NACAD: variants seen among roughly 807,000 people sequenced by gnomAD.
The protein encoded by NACAD is NAC-alpha domain-containing protein 1.
In NACAD, 47 loss-of-function variants were observed where a neutral mutation model predicts 98.9. The ratio of observed to expected loss-of-function variants is 0.48; its 90% confidence interval spans 0.38 to 0.61. The LOEUF (loss-of-function observed/expected upper bound fraction) is 0.61. NACAD is among the 20% of genes least tolerant of loss of function. The pLI is 0.00. For synonymous variants in NACAD, 696 were observed against 767.2 expected (o/e 0.91, Z 1.53); for missense variants, 1,412 against 1,748.2 (o/e 0.81, Z 3.43).
In NACAD at chr7:45,088,188, C is replaced by A. The variant is rs887924679; in HGVS notation, c.67+640G>T. ...TTCTAGGCCCCGTAGACCCCATCAG[C>A]CTCCACCAGCATTTGTTGACCCAGC... is the stretch of plus-strand genomic sequence containing the variant. On this transcript the variant is annotated intron_variant, in intron 1 of 7. Coordinates refer to ENST00000490531, the MANE Select transcript of NACAD (RefSeq NM_001146334.2). This position sits in a 1 kb window ranked among gnomAD's most constrained non-coding sequence, Gnocchi z 5.7. Among the ~76,000 whole-genome samples the A allele has an allele frequency of 3.3e-5, 5 of 152,232 alleles. No individual in the cohort carries two copies. Among genetic ancestry groups the A allele is most frequent in the African/African-American group, 1.2e-4 (5 of 41,470 alleles).
Position 45,084,959 on chromosome 7 carries a change from C to T in NACAD, c.1221G>A (p.Gly407=), listed in dbSNP as rs1449281487. The change falls in exon 2 of 8, where the codon GGG becomes GGA. Residue 407 remains glycine, a synonymous_variant. Transcript: ENST00000490531. Reference sequence around the variant, plus strand: ...GCAAAGTGGCCTGGGCATGGGGCTCCCCGCTGTACAGCCTCTCATCATCTG... The same window carrying T: ...GCAAAGTGGCCTGGGCATGGGGCTCTCCGCTGTACAGCCTCTCATCATCTG... ...AEADDERLYS[G]EPHAQATLLQ... 1 of 1,550,996 alleles carries T rather than the reference C, an allele frequency of 6.4e-7. No homozygotes were observed. Among genetic ancestry groups the T allele is most frequent in the Non-Finnish European group, 8.7e-7 (1 of 1,147,002 alleles).
chr7:45,082,821 A>G lies in NACAD; in HGVS notation c.3359T>C (p.Leu1120Pro), dbSNP rs1305745445. 1.3e-6 allele frequency: 2 copies of G among 1,549,798 alleles called. No individual in the cohort carries two copies. ...GCCTCTTTCCTCCCTGGCTGGGCTC[A>G]GGAGCCGGGCCTGGCTGACCTCAGG... ...ACPEVSQARL[L>P]SPAREERGLS... The change falls in exon 2 of 8, where the codon CTG (leucine) becomes CCG (proline). Residue 1120 changes from leucine (L) to proline (P), a missense_variant. Coordinates refer to ENST00000490531, the MANE Select transcript of NACAD (RefSeq NM_001146334.2). This position sits in a 1 kb window ranked among gnomAD's most constrained non-coding sequence, Gnocchi z 4.5.
In NACAD at chr7:45,081,802, C is replaced by A. The variant is rs1281526695; in HGVS notation, c.4138G>T (p.Asp1380Tyr). 1 of 1,550,640 alleles carries A rather than the reference C, an allele frequency of 6.4e-7. No homozygotes were observed. The highest frequency in any genetic ancestry group is 8.7e-7 in the Non-Finnish European group (1 of 1,146,986). Residue 1380 changes from aspartate (D) to tyrosine (Y), a missense_variant, in exon 3 of 8, where the codon GAC (aspartate) becomes TAC (tyrosine). Coordinates refer to ENST00000490531, the MANE Select transcript of NACAD (RefSeq NM_001146334.2). ...TGAGGAGCCAAGATGTCCTGCTCGTCCAGCTCGGCTGATGACTCCCCGTGG... is the reference window on the plus strand; with the variant it reads ...TGAGGAGCCAAGATGTCCTGCTCGTACAGCTCGGCTGATGACTCCCCGTGG... The part of the protein sequence containing the change: ...DSHGESSAEL[D>Y]EQDILAPQTV...
rs539115590 is a variant in NACAD at position 45,083,031 on chromosome 7, C to T, written c.3149G>A (p.Arg1050Gln). 19 of 1,550,936 alleles carry T rather than the reference C, an allele frequency of 1.2e-5. No homozygotes were observed. The East Asian group carries it at 1.7e-4, about 14-fold the overall frequency. ...EIAEALSRPG[R>Q]EACLEARAHT... is the part of the protein sequence containing the mutation. ...CGCTCGCGCTTCCAGACATGCTTCC[C>T]GTCCAGGCCTAGAAAGGGCTTCTGC... The change falls in exon 2 of 8, where the codon CGG becomes CAG. Residue 1050 changes from arginine (R) to glutamine (Q), a missense_variant. This residue lies in a region of NACAD where 572 missense variants were observed against 639.6 expected (regional missense o/e 0.89). Coordinates refer to ENST00000490531, the MANE Select transcript of NACAD (RefSeq NM_001146334.2).
rs879940003 is a variant in NACAD, at chr7:45,082,574, G to T, written c.3606C>A (p.Gly1202=). 9.7e-6 allele frequency: 15 copies of T among 1,545,352 alleles called. No homozygotes were observed. Among genetic ancestry groups the T allele is most frequent in the Admixed American group, 2.0e-5 (1 of 50,428 alleles). The change falls in exon 2 of 8, where the codon GGC becomes GGA. Residue 1202 remains glycine, a synonymous_variant. Transcript: ENST00000490531. The surrounding 1 kb of genome is among the most constrained non-coding windows in gnomAD (Gnocchi z 4.5). ...EQPHEVPSVL[G]TPLLQPPENL... ...TTTCTGGGGGCTGCAGCAAGGGGGT[G>T]CCAAGGACACTGGGTACTTCGTGGG...
Position 45,083,202 on chromosome 7 carries a change from G to A in NACAD, c.2978C>T (p.Ala993Val), listed in dbSNP as rs1218508799. The A allele has an allele frequency of 7.1e-6, 11 of 1,550,790 alleles. No homozygotes were observed. Among genetic ancestry groups the A allele is most frequent in the African/African-American group, 1.4e-5 (1 of 73,056 alleles). The change falls in exon 2 of 8, where the codon GCA becomes GTA. Residue 993 changes from alanine (A) to valine (V), a missense_variant. Around this residue, in one of 5 missense-constraint regions of NACAD, gnomAD observed 572 missense variants for 639.6 expected, o/e 0.89. Coordinates refer to ENST00000490531, the MANE Select transcript of NACAD (RefSeq NM_001146334.2). Reference sequence around the variant, plus strand: ...ATCCTGTTGGACCTGGTCCAAGGCTGCAGGCTCCGGGACTGTAGGGAGGGC... The same window carrying A: ...ATCCTGTTGGACCTGGTCCAAGGCTACAGGCTCCGGGACTGTAGGGAGGGC... ...NAALPTVPEP[A>V]ALDQVQQDDP... is the part of the protein sequence containing the mutation.
Position 45,088,960 on chromosome 7 carries a change from C to A in NACAD, c.-66G>T. The stretch of plus-strand genomic sequence containing the variant: ...CCTCCGTCAGTCCGTGCCGCCGCCC[C>A]GCCGAGCCTGCGCGGCCACCGCCCC... On this transcript the variant is annotated 5_prime_UTR_variant, in exon 1 of 8. Transcript: ENST00000490531. This position sits in a 1 kb window ranked among gnomAD's most constrained non-coding sequence, Gnocchi z 5.7. The A allele has an allele frequency of 1.5e-5, 18 of 1,239,218 alleles. No individual in the cohort carries two copies. The highest frequency in any genetic ancestry group is 1.8e-5 in the Non-Finnish European group (18 of 982,358). 76.8% of individuals were successfully genotyped at this position (1,239,218 alleles called of 1,614,324 possible).
At position 45,088,857 on chromosome 7, in the gene NACAD, G is replaced by T. The variant is rs935613472; in HGVS notation, c.38C>A (p.Pro13His). 1 of 1,489,360 alleles carries T rather than the reference G, an allele frequency of 6.7e-7. No homozygotes were observed. Among genetic ancestry groups the T allele is most frequent in the Non-Finnish European group, 8.9e-7 (1 of 1,124,698 alleles). 92.3% of individuals were successfully genotyped at this position (1,489,360 alleles called of 1,614,324 possible). A position where few individuals can be genotyped will look rare whatever the true frequency, so the allele number is the denominator to read the frequency against. ...GEAARAELLLPEADRPGPRTD... is the reference protein window; with the variant it reads ...GEAARAELLLHEADRPGPRTD... ...GCGGGGCCCGGGTCGGTCCGCCTCG[G>T]GCAGCAGCAGCTCGGCGCGGGCAGC... The change falls in exon 1 of 8, where the codon CCC becomes CAC. Residue 13 changes from proline to histidine, a missense_variant. This residue lies in a region of NACAD where 638 missense variants were observed against 722.7 expected (regional missense o/e 0.88). Transcript: ENST00000490531. The surrounding 1 kb of genome is among the most constrained non-coding windows in gnomAD (Gnocchi z 5.7).
chr7:45,082,289 G>C lies in NACAD; in HGVS notation c.3891C>G (p.Val1297=). 6.4e-7 allele frequency: 1 copy of C among 1,550,656 alleles called. No homozygotes were observed. The highest frequency in any genetic ancestry group is 8.7e-7 in the Non-Finnish European group (1 of 1,146,962). Residue 1297 remains valine, a synonymous_variant, in exon 2 of 8, where the codon GTC becomes GTG. Transcript: ENST00000490531. This position sits in a 1 kb window ranked among gnomAD's most constrained non-coding sequence, Gnocchi z 4.5. The part of the protein sequence containing the change: ...TTQPLGTGPR[V]SLSPHSPLLS... ...GGAGTGGGGAGTGAGGCGAGAGGCT[G>C]ACTCGCGGCCCAGTCCCCAGAGGCT...
Position 45,083,157 on chromosome 7 carries a change from T to C in NACAD, c.3023A>G (p.Glu1008Gly). The C allele has an allele frequency of 6.4e-7, 1 of 1,550,868 alleles. No homozygotes were observed. The highest frequency in any genetic ancestry group is 8.7e-7 in the Non-Finnish European group (1 of 1,147,000). ...VQQDDPQPAA[E>G]AGTPWAAQED... ...CTGTGCGGCCCAAGGTGTCCCAGCT[T>C]CTGCAGCTGGCTGTGGGTCATCCTG... Residue 1008 changes from glutamate (E) to glycine (G), a missense_variant, in exon 2 of 8, where the codon GAA becomes GGA. This residue lies in a region of NACAD where 572 missense variants were observed against 639.6 expected (regional missense o/e 0.89). Coordinates refer to ENST00000490531, the MANE Select transcript of NACAD (RefSeq NM_001146334.2).
At chr7:45,081,348 A>G in intron 4 of NACAD, 85 bp from the exon 5 acceptor site, 2 of 1,497,754 alleles carry the variant, frequency 1.3e-6, no homozygotes, top group South Asian at 1.3e-5. Context: ...AGGAAGGCAA[A>G]GTCTCCACCG....
chr7:45,085,909 G>T lies in NACAD; in HGVS notation c.271C>A (p.Pro91Thr), dbSNP rs962766052. The change falls in exon 2 of 8, where the codon CCA becomes ACA. Residue 91 changes from proline to threonine, a missense_variant. This residue lies in a region of NACAD where 638 missense variants were observed against 722.7 expected (regional missense o/e 0.88). Transcript: ENST00000490531. The surrounding 1 kb of genome is among the most constrained non-coding windows in gnomAD (Gnocchi z 6.1). ...SAWADPGEGG[P>T]SPMLLPEGLS... ...CCCTCAGGGAGGAGCATGGGGCTTG[G>T]GCCGCCCTCCCCTGGGTCCGCCCAG... The T allele has an allele frequency of 2.0e-5, 31 of 1,546,226 alleles. No homozygotes were observed. Among genetic ancestry groups the T allele is most frequent in the Non-Finnish European group, 2.6e-5 (30 of 1,145,536 alleles).
intron 1 of NACAD, among the ~76,000 whole-genome samples, chr7:45,086,663 A>G (rs891789053): frequency 3.3e-5 from 5 of 152,158 alleles, no homozygotes; most frequent in African/African-American, 1.2e-4. Context: ...TGAGGCCAAC[A>G]TGTCAGGGTT....
At position 45,082,244 on chromosome 7, in the gene NACAD, G is replaced by A; in HGVS notation, c.3936C>T (p.Ser1312=). 1 of 1,549,074 alleles carries A rather than the reference G, an allele frequency of 6.5e-7. No homozygotes were observed. Among genetic ancestry groups the A allele is most frequent in the African/African-American group, 1.4e-5 (1 of 73,136 alleles). The change falls in exon 2 of 8, where the codon TCC becomes TCT. Residue 1312 remains serine, a synonymous_variant. Transcript: ENST00000490531. The surrounding 1 kb of genome is among the most constrained non-coding windows in gnomAD (Gnocchi z 4.5). ...HSPLLSPKVA[S]MDAKDLALQI... ...GCAAGGCCAGGTCTTTGGCATCCAT[G>A]GAGGCCACCTTGGGGCTGAGGAGTG...
At position 45,088,704 on chromosome 7, in the gene NACAD, AG is replaced by A; in HGVS notation, c.67+123del. The A allele has an allele frequency of 5.2e-6, 3 of 580,416 alleles. No homozygotes were observed. The highest frequency in any genetic ancestry group is 7.1e-6 in the Non-Finnish European group (3 of 422,222). The allele number at this position is 580,416 out of a possible 1,614,324, so 36.0% of individuals were successfully genotyped here. A position where few individuals can be genotyped will look rare whatever the true frequency, so the allele number is the denominator to read the frequency against. On this transcript the variant is annotated intron_variant, in intron 1 of 7. Coordinates refer to ENST00000490531, the MANE Select transcript of NACAD (RefSeq NM_001146334.2). The surrounding 1 kb of genome is among the most constrained non-coding windows in gnomAD (Gnocchi z 5.7). ...ATGGAGGGAAGGACAGGGCGCGGAA[AG>A]GGGAGGGGACTCGAGGGGGGCCAGG...
Position 45,082,551 on chromosome 7 carries a change from T to C in NACAD, c.3629A>G (p.Glu1210Gly). 3 of 1,548,234 alleles carry C rather than the reference T, an allele frequency of 1.9e-6. No homozygotes were observed. The highest frequency in any genetic ancestry group is 2.6e-6 in the Non-Finnish European group (3 of 1,146,056). Residue 1210 changes from glutamate to glycine, a missense_variant, in exon 2 of 8, where the codon GAA (glutamate) becomes GGA (glycine). Physicochemically the swap from Glu to Gly is moderately conservative, Grantham distance 98. Around this residue, in one of 5 missense-constraint regions of NACAD, gnomAD observed 572 missense variants for 639.6 expected, o/e 0.89. Coordinates refer to ENST00000490531, the MANE Select transcript of NACAD (RefSeq NM_001146334.2). The surrounding 1 kb of genome is among the most constrained non-coding windows in gnomAD (Gnocchi z 4.5). Reference sequence around the variant, plus strand: ...GCTGGGCTGACCCTTGGCAAGGTTTTCTGGGGGCTGCAGCAAGGGGGTGCC... The same window carrying C: ...GCTGGGCTGACCCTTGGCAAGGTTTCCTGGGGGCTGCAGCAAGGGGGTGCC... ...VLGTPLLQPP[E>G]NLAKGQPSTP...
chr7:45,081,623 C>A lies in NACAD; in HGVS notation c.4235G>T (p.Arg1412Leu). 6.4e-7 allele frequency: 1 copy of A among 1,551,466 alleles called. No individual in the cohort carries two copies. Among genetic ancestry groups the A allele is most frequent in the Non-Finnish European group, 8.7e-7 (1 of 1,147,010 alleles). ...CACCTTTCGGGCCTTCTTCTCACTG[C>A]GACTCTGCTTGGCTTTGGCGATGGT... ...EETIAKAKQSRSEKKARKAMS... is the reference protein window; with the variant it reads ...EETIAKAKQSLSEKKARKAMS... The change falls in exon 4 of 8, where the codon CGC becomes CTC. Residue 1412 changes from arginine to leucine, a missense_variant. Around this residue, in one of 5 missense-constraint regions of NACAD, gnomAD observed 572 missense variants for 639.6 expected, o/e 0.89. Transcript: ENST00000490531.
chr7:45,083,379 G>A lies in NACAD; in HGVS notation c.2801C>T (p.Thr934Ile). ...CACAGCCAGAGGCTCTGGACCTGAG[G>A]TGGGGCCTGTGTCTTGCAGAGGCAG... is the stretch of plus-strand genomic sequence containing the variant. ...APLPLQDTGP[T>I]SGPEPLAVAT... Residue 934 changes from threonine to isoleucine, a missense_variant, in exon 2 of 8, where the codon ACC (threonine) becomes ATC (isoleucine). Thr to Ile is a moderately conservative substitution (Grantham distance 89). Coordinates refer to ENST00000490531, the MANE Select transcript of NACAD (RefSeq NM_001146334.2). The A allele has an allele frequency of 1.3e-6, 2 of 1,551,390 alleles. No homozygotes were observed. Among genetic ancestry groups the A allele is most frequent in the Non-Finnish European group, 8.7e-7 (1 of 1,147,028 alleles).
In NACAD at chr7:45,088,698, G is replaced by A; in HGVS notation, c.67+130C>T. The stretch of plus-strand genomic sequence containing the variant: ...GTTCAGATGGAGGGAAGGACAGGGC[G>A]CGGAAAGGGGAGGGGACTCGAGGGG... On this transcript the variant is annotated intron_variant, in intron 1 of 7. Coordinates refer to ENST00000490531, the MANE Select transcript of NACAD (RefSeq NM_001146334.2). The surrounding 1 kb of genome is among the most constrained non-coding windows in gnomAD (Gnocchi z 5.7). 1.6e-6 allele frequency: 1 copy of A among 644,102 alleles called. No homozygotes were observed. The highest frequency in any genetic ancestry group is 3.7e-5 in the South Asian group (1 of 27,090). 39.9% of individuals were successfully genotyped at this position (644,102 alleles called of 1,614,324 possible). A position where few individuals can be genotyped will look rare whatever the true frequency, so the allele number is the denominator to read the frequency against.
Sources: allele counts gnomAD v4.1 joint callset (sites outside exome capture counted in the v4.1 genomes callset), GRCh38; gene constraint gnomAD v4.1.1; regional missense constraint gnomAD v4.1.1; non-coding constraint Gnocchi (gnomAD v3.1); transcripts MANE v1.5; gene names NCBI Gene and HGNC (gene_info 2026-07-23, HGNC 2026-07-21).